Variants in COL14A1 observed in about 807,000 individuals in gnomAD.
COL14A1 encodes the protein collagen type XIV alpha 1 chain.
In COL14A1, 136 loss-of-function variants were observed where a neutral mutation model predicts 230.3. The observed-to-expected ratio is 0.59, with a 90% CI of 0.51 to 0.68. COL14A1 has a LOEUF of 0.68. Ranked by LOEUF, COL14A1 falls within the 30% of genes least tolerant of loss-of-function variation. The probability of loss-of-function intolerance (pLI) is 0.00; values close to 1 mark genes in which losing one functional copy is unlikely to be tolerated. For missense variants in COL14A1, 1,976 were observed against 2,215.8 expected (o/e 0.89, Z 2.17); for synonymous variants, 792 against 784.1 (o/e 1.01, Z -0.17).
At chr8:120,259,850 A>C (rs2129745636) in intron 23 of COL14A1, among the ~76,000 whole-genome samples, 1 of 152,262 alleles carries the variant, frequency 6.6e-6, no homozygotes, top group Non-Finnish European at 1.5e-5. Flanking sequence ...GGCTCACAGA[A>C]GCTTTTAGGA....
At chr8:120,251,791 A>G (rs999859541) in intron 22 of COL14A1, among the ~76,000 whole-genome samples, 1 of 152,164 alleles carries the variant, frequency 6.6e-6, no homozygotes, top group Non-Finnish European at 1.5e-5. Context: ...CCAAATTTTC[A>G]TAGATACCCT....
At chr8:120,363,861 C>T (rs1260533585) in intron 45 of COL14A1, among the ~76,000 whole-genome samples, 1 of 152,150 alleles carries the variant, frequency 6.6e-6, no homozygotes, top group Non-Finnish European at 1.5e-5. Flanking sequence ...TGTTAGTTCA[C>T]TCAACAAGTA....
At chr8:120,148,080 A>G (rs1406272983) in intron 2 of COL14A1, 150 bp downstream of exon 2, 1 of 531,926 alleles carries the variant, frequency 1.9e-6, no homozygotes, top group Non-Finnish European at 3.3e-6. Flanking sequence ...ATCTTTGATG[A>G]GGATTACAAC....
At chr8:120,297,688 T>A in intron 35 of COL14A1, 100 bp downstream of exon 35, 3 of 561,390 alleles carry the variant, frequency 5.3e-6, no homozygotes, top group Non-Finnish European at 8.5e-6. Flanking sequence ...GGCAACTCGT[T>A]GAGATGATAA....
At chr8:120,162,122 G>A (rs1464110713) in intron 3 of COL14A1, among the ~76,000 whole-genome samples, 1 of 152,038 alleles carries the variant, frequency 6.6e-6, no homozygotes, top group Non-Finnish European at 1.5e-5. Flanking sequence ...CTCTAATTTC[G>A]ACAATTGTTA....
intron 40 of COL14A1, among the ~76,000 whole-genome samples, chr8:120,328,396 A>AT (rs1821757514): frequency 8.5e-6 from 1 of 116,986 alleles, no homozygotes; most frequent in Non-Finnish European, 1.9e-5. Flanking sequence ...ATTTTTTTTT[A>AT]ATTTTTTTTT....
intron 40 of COL14A1, among the ~76,000 whole-genome samples, chr8:120,319,118 T>G (rs1033463094): frequency 6.6e-6 from 1 of 152,104 alleles, no homozygotes; most frequent in African/African-American, 2.4e-5. Flanking sequence ...CTCATTTTTC[T>G]TCCTTTTATA....
At chr8:120,164,951 C>T (rs536543274) in intron 4 of COL14A1, among the ~76,000 whole-genome samples, 4 of 152,256 alleles carry the variant, frequency 2.6e-5, no homozygotes, top group Non-Finnish European at 4.4e-5. Context: ...ATAAATCTTC[C>T]CAGGCTACTT....
rs542066387 is a variant in COL14A1 at position 120,250,470 on chromosome 8, G to C, written c.2603-147G>C. On this transcript the variant is annotated intron_variant, in intron 21 of 47. Transcript: ENST00000297848. ...CCCAGCAGTTTTTAGAGCTAGATGAGACCAGATTCAAACCTCAACCCTGCT... is the reference window on the plus strand; with the variant it reads ...CCCAGCAGTTTTTAGAGCTAGATGACACCAGATTCAAACCTCAACCCTGCT... The C allele has an allele frequency of 2.8e-5, 22 of 799,446 alleles. No individual in the cohort carries two copies. In the South Asian group the frequency reaches 3.5e-4, roughly 13 times the overall value. 49.5% of individuals were successfully genotyped at this position (799,446 alleles called of 1,614,324 possible).
intron 31 of COL14A1, among the ~76,000 whole-genome samples, chr8:120,282,779 G>C (rs1460457473): frequency 6.6e-6 from 1 of 152,018 alleles, no homozygotes; most frequent in East Asian, 1.9e-4. Flanking sequence ...TTTAGGTTGG[G>C]CTCTTCAGGA....
chr8:120,291,300 G>A (rs532380354), intron 34 of COL14A1, among the ~76,000 whole-genome samples: 200 of 152,070 alleles, frequency 1.3e-3, no homozygotes, highest in Admixed American at 2.8e-3. Context: ...AGTGCCTCAC[G>A]CCTGTAATTT....
At chr8:120,236,987 G>A (rs1378277385) in intron 19 of COL14A1, among the ~76,000 whole-genome samples, 9 of 152,302 alleles carry the variant, frequency 5.9e-5, no homozygotes, top group South Asian at 2.1e-4. Flanking sequence ...AGAGAGATCC[G>A]CTGTTAGACC....
rs935504102 is a variant in COL14A1, at chr8:120,207,202, T to C, written c.1191+108T>C. On this transcript the variant is annotated intron_variant, in intron 10 of 47. Coordinates refer to ENST00000297848, the MANE Select transcript of COL14A1 (RefSeq NM_021110.4). The stretch of plus-strand genomic sequence containing the variant: ...ATATAAGATTATTCCGTCACAGACA[T>C]TTTAAAGAATTTGACTGAAATACAT... The C allele has an allele frequency of 2.5e-5, 25 of 1,002,088 alleles. No individual in the cohort carries two copies. In the Middle Eastern group the frequency reaches 1.2e-3, roughly 47 times the overall value. 62.1% of individuals were successfully genotyped at this position (1,002,088 alleles called of 1,614,324 possible).
chr8:120,325,714 AACCCCCG>A (rs1821640049), intron 40 of COL14A1, among the ~76,000 whole-genome samples: 2 of 152,080 alleles, frequency 1.3e-5, no homozygotes, highest in Non-Finnish European at 2.9e-5. Flanking sequence ...GCTGGTCCGG[AACCCCCG>A]ACCTCCAGTG....
At chr8:120,357,240 G>A (rs554681394) in intron 45 of COL14A1, among the ~76,000 whole-genome samples, 6 of 152,280 alleles carry the variant, frequency 3.9e-5, no homozygotes, top group African/African-American at 1.2e-4. Flanking sequence ...CTGAAGGCTC[G>A]ACTGGAGCTG....
chr8:120,252,819 G>T (rs182857826), intron 22 of COL14A1, among the ~76,000 whole-genome samples: 1 of 152,272 alleles, frequency 6.6e-6, no homozygotes, highest in Admixed American at 6.5e-5. Context: ...TGTCAAGCAA[G>T]AGTGGGCCAT....
At chr8:120,307,718 A>G (rs1435050574) in intron 36 of COL14A1, among the ~76,000 whole-genome samples, 3 of 152,218 alleles carry the variant, frequency 2.0e-5, no homozygotes, top group African/African-American at 7.2e-5. Flanking sequence ...AGAATAAGGT[A>G]TATTTTCAGC....
At position 120,369,453 on chromosome 8, in the gene COL14A1, A is replaced by AC; in HGVS notation, c.5283dup (p.Ser1762LeufsTer24). 1 of 1,606,706 alleles carries AC rather than the reference A, an allele frequency of 6.2e-7. No individual in the cohort carries two copies. Among genetic ancestry groups the AC allele is most frequent in the Non-Finnish European group, 8.5e-7 (1 of 1,176,638 alleles). ...CCTTCTGGCCAGCCTGGATATTGTG[A>AC]CCCCTCATCATGTTCTGCCTATGGT... On this transcript the variant is annotated frameshift_variant, in exon 47 of 48. Transcript: ENST00000297848. LOFTEE classifies it high-confidence loss of function.
chr8:120,307,975 A>T (rs182720023), intron 36 of COL14A1, among the ~76,000 whole-genome samples: 74 of 152,138 alleles, frequency 4.9e-4, no homozygotes, highest in Admixed American at 2.6e-3. Flanking sequence ...GCATTTAAAA[A>T]TTTTTTTTTA....
Sources: allele counts gnomAD v4.1 joint callset (sites outside exome capture counted in the v4.1 genomes callset), GRCh38; gene constraint gnomAD v4.1.1; transcripts MANE v1.5; gene names NCBI Gene and HGNC (gene_info 2026-07-23, HGNC 2026-07-21).